KCTD1: variants seen among roughly 807,000 people sequenced by gnomAD.
KCTD1 encodes the protein BTB/POZ domain-containing protein KCTD1.
In KCTD1, 24 loss-of-function variants were observed where a neutral mutation model predicts 66.0. The observed-to-expected ratio is 0.36, with a 90% CI of 0.26 to 0.51. The LOEUF (loss-of-function observed/expected upper bound fraction) is 0.51. KCTD1 is among the 20% of genes least tolerant of loss of function. The pLI is 0.95. For missense variants in KCTD1, 943 were observed against 1,205.2 expected (o/e 0.78, Z 3.22); for synonymous variants, 511 against 517.2 (o/e 0.99, Z 0.16).
At chr18:26,598,459 A>T (rs981291675) in intron 1 of KCTD1, among the ~76,000 whole-genome samples, 18 of 110,978 alleles carry the variant, frequency 1.6e-4, no homozygotes, top group African/African-American at 6.3e-4. Context: ...TATGTTTTCA[A>T]TTCTCTTTTT....
intron 1 of KCTD1, among the ~76,000 whole-genome samples, chr18:26,647,376 G>A (rs578068356): frequency 2.5e-4 from 37 of 150,724 alleles, no homozygotes; most frequent in African/African-American, 2.2e-4. Flanking sequence ...AGCTGGGTGC[G>A]GTGGCAGGTG....
chr18:26,597,128 C>T (rs146070917), intron 1 of KCTD1, among the ~76,000 whole-genome samples: 7 of 151,832 alleles, frequency 4.6e-5, no homozygotes, highest in Non-Finnish European at 7.4e-5. Flanking sequence ...GTGAGGAGGA[C>T]CTCCATGTGG....
At chr18:26,574,977 C>T (rs766726738) in intron 1 of KCTD1, among the ~76,000 whole-genome samples, 4 of 152,146 alleles carry the variant, frequency 2.6e-5, no homozygotes, top group Non-Finnish European at 5.9e-5. Flanking sequence ...AATCCTGCTA[C>T]CACGAACCAT....
chr18:26,608,447 A>G (rs571821), intron 1 of KCTD1, among the ~76,000 whole-genome samples: 151,645 of 152,330 alleles, frequency 1, 75,487 homozygotes, highest in Middle Eastern at 1. Context: ...TGGCTCAAGC[A>G]TCAGTTCTTA....
chr18:26,469,481 C>T (rs909793974), intron 3 of KCTD1, among the ~76,000 whole-genome samples: 1 of 152,126 alleles, frequency 6.6e-6, no homozygotes, highest in Non-Finnish European at 1.5e-5. Context: ...AACCAAAGTG[C>T]GTGCCTAAAA....
chr18:26,517,855 AACAG>A (rs1983734062), intron 1 of KCTD1, among the ~76,000 whole-genome samples: 2 of 152,220 alleles, frequency 1.3e-5, no homozygotes, highest in African/African-American at 2.4e-5. Context: ...GCAGCGTGAA[AACAG>A]ACTAACACAG....
At chr18:26,643,550 G>A (rs141963985), upstream of KCTD1, among the ~76,000 whole-genome samples, 294 of 152,318 alleles carry the variant, frequency 1.9e-3, 3 homozygotes, top group African/African-American at 6.9e-3. Context: ...CAATAAGTCA[G>A]GAGGCAAAAT....
At chr18:26,489,113 C>A (rs1400775412) in intron 2 of KCTD1, among the ~76,000 whole-genome samples, 2 of 152,192 alleles carry the variant, frequency 1.3e-5, no homozygotes, top group East Asian at 3.8e-4. Context: ...CATTCTGCAC[C>A]AACGCAGCTG....
In KCTD1 at chr18:26,547,921, G is replaced by A. The variant is rs1023977609; in HGVS notation, c.616C>T (p.Arg206Cys). 3.2e-6 allele frequency: 5 copies of A among 1,543,776 alleles called. No homozygotes were observed. The highest frequency in any genetic ancestry group is 4.4e-6 in the Non-Finnish European group (5 of 1,146,838). ...FETMDKGALC[R>C]VLRSFYAEAR... ...TCGGCATAGAAGGAGCGCAGCACGC[G>A]GCACAGCGCCCCCTTGTCCATGGTC... Residue 206 changes from arginine (R) to cysteine (C), a missense_variant, in exon 1 of 5, where the codon CGC (arginine) becomes TGC (cysteine). By Grantham distance (180) the Arg-to-Cys change is radical. This residue lies in a region of KCTD1 where 96 missense variants were observed against 132.5 expected (regional missense o/e 0.72). Coordinates refer to ENST00000580059, the MANE Select transcript of KCTD1 (RefSeq NM_001142730.3).
chr18:26,509,740 C>T (rs1419473143), intron 1 of KCTD1, among the ~76,000 whole-genome samples: 1 of 152,048 alleles, frequency 6.6e-6, no homozygotes, highest in Admixed American at 6.6e-5. Context: ...TTTTCAAAAC[C>T]CCATATAGCT....
rs2144511763 is a variant in KCTD1 at position 26,455,300 on chromosome 18, T to A, written c.*443A>T. ...AACTTGATTCAAGGTGTTTTGTTTGTTTTGTTTTTTTAAAAAAAAAGGAAA... is the reference window on the plus strand; with the variant it reads ...AACTTGATTCAAGGTGTTTTGTTTGATTTGTTTTTTTAAAAAAAAAGGAAA... On this transcript the variant is annotated 3_prime_UTR_variant, in exon 5 of 5. Coordinates refer to ENST00000580059, the MANE Select transcript of KCTD1 (RefSeq NM_001142730.3). The A allele has an allele frequency of 6.5e-6, 1 of 152,982 alleles. No homozygotes were observed. The highest frequency in any genetic ancestry group is 1.9e-4 in the East Asian group (1 of 5,216). The allele number at this position is 152,982 out of a possible 1,614,324, so 9.5% of individuals were successfully genotyped here. A position where few individuals can be genotyped will look rare whatever the true frequency, so the allele number is the denominator to read the frequency against.
rs779199252 is a variant in KCTD1, at chr18:26,476,677, G to C, written c.1989-18C>G. On this transcript the variant is annotated intron_variant, in intron 2 of 4. Coordinates refer to ENST00000580059, the MANE Select transcript of KCTD1 (RefSeq NM_001142730.3). This position sits in a 1 kb window ranked among gnomAD's most constrained non-coding sequence, Gnocchi z 4.9. ...TTCCGATTCTGTGATAGAAAAGAGG[G>C]AACAGTGAAGACAATTAGATCAATT... The C allele has an allele frequency of 1.2e-6, 2 of 1,608,750 alleles. No individual in the cohort carries two copies. The highest frequency in any genetic ancestry group is 2.2e-5 in the South Asian group (2 of 89,962).
At chr18:26,599,865 G>A in intron 1 of KCTD1, 2 of 1,553,002 alleles carry the variant, frequency 1.3e-6, no homozygotes, top group Non-Finnish European at 1.8e-6. Context: ...GTGACAGCCT[G>A]CTGTTTGTTC....
At chr18:26,461,466 G>A (rs1980420274) in intron 3 of KCTD1, among the ~76,000 whole-genome samples, 1 of 152,214 alleles carries the variant, frequency 6.6e-6, no homozygotes, top group African/African-American at 2.4e-5. Flanking sequence ...TACCTGCTTA[G>A]CCTCCTGACC....
chr18:26,522,445 C>A (rs1598915609), intron 1 of KCTD1, among the ~76,000 whole-genome samples: 4 of 152,160 alleles, frequency 2.6e-5, no homozygotes, highest in African/African-American at 9.7e-5. Flanking sequence ...CCAACCACGC[C>A]GACGACCTTG....
intron 1 of KCTD1, among the ~76,000 whole-genome samples, chr18:26,569,580 G>T (rs1986056295): frequency 6.6e-6 from 1 of 152,112 alleles, no homozygotes; most frequent in Non-Finnish European, 1.5e-5. Flanking sequence ...GCAGGTGGGG[G>T]GTGGGGGGTG....
chr18:26,567,696 C>T (rs1046115528), intron 1 of KCTD1, among the ~76,000 whole-genome samples: 1 of 151,948 alleles, frequency 6.6e-6, no homozygotes, highest in African/African-American at 2.4e-5. Context: ...ACCATGTTGG[C>T]CAGGCTGGTC....
At chr18:26,508,709 TTCTC>T (rs201752316) in intron 1 of KCTD1, among the ~76,000 whole-genome samples, 1,709 of 73,006 alleles carry the variant, frequency 0.023, 39 homozygotes, top group African/African-American at 0.06. Flanking sequence ...TTAAATATAT[TTCTC>T]TCTCTCTCTC....
At chr18:26,471,638 T>C (rs1981067474) in intron 3 of KCTD1, among the ~76,000 whole-genome samples, 1 of 152,104 alleles carries the variant, frequency 6.6e-6, no homozygotes, top group Admixed American at 6.5e-5. Context: ...GTGATGGAAC[T>C]GTTCAGAACC....
Sources: allele counts gnomAD v4.1 joint callset (sites outside exome capture counted in the v4.1 genomes callset), GRCh38; gene constraint gnomAD v4.1.1; regional missense constraint gnomAD v4.1.1; non-coding constraint Gnocchi (gnomAD v3.1); transcripts MANE v1.5; gene names NCBI Gene and HGNC (gene_info 2026-07-23, HGNC 2026-07-21).